The following GADL1 variants were observed in gnomAD, a reference collection of about 807,000 sequenced individuals.
GADL1 encodes acidic amino acid decarboxylase GADL1.
In GADL1, 71 loss-of-function variants were observed where a neutral mutation model predicts 69.5. That is an observed-to-expected ratio of 1.02 (90% confidence interval 0.84 to 1.25). GADL1 has a LOEUF of 1.25. Ranked by LOEUF, GADL1 falls within the 50% of genes most tolerant of loss-of-function variation. GADL1 has a pLI of 0.00. For synonymous variants in GADL1, 254 were observed against 214.4 expected, an observed-to-expected ratio of 1.18 and a Z score of -1.62; for missense variants, 737 against 631.8, an observed-to-expected ratio of 1.17 and a Z score of -1.79.
At chr3:30,767,289 A>C (rs1359339829) in intron 14 of GADL1, among the ~76,000 whole-genome samples, 2 of 152,096 alleles carry the variant, frequency 1.3e-5, no homozygotes, top group Non-Finnish European at 2.9e-5. Context: ...GAGTTCTAAA[A>C]CATATAAAAA....
At chr3:30,809,078 T>C (rs1260191019) in intron 11 of GADL1, among the ~76,000 whole-genome samples, 3 of 152,236 alleles carry the variant, frequency 2.0e-5, no homozygotes. Flanking sequence ...CAGCCAGGAC[T>C]CATTTCCTGA....
chr3:30,867,929 G>A (rs1698427887), intron 1 of GADL1, among the ~76,000 whole-genome samples: 1 of 152,026 alleles, frequency 6.6e-6, no homozygotes, highest in Non-Finnish European at 1.5e-5. Flanking sequence ...AGGAGAAGCT[G>A]AGGTGTCAGG....
chr3:30,877,929 T>A (rs1440281142), intron 1 of GADL1, among the ~76,000 whole-genome samples: 1 of 151,908 alleles, frequency 6.6e-6, no homozygotes, highest in Admixed American at 6.6e-5. Flanking sequence ...ATGAAGAAGG[T>A]CCTGAATGCT....
intron 14 of GADL1, among the ~76,000 whole-genome samples, chr3:30,735,291 C>T (rs1238189687): frequency 2.6e-5 from 4 of 152,158 alleles, no homozygotes; most frequent in African/African-American, 9.7e-5. Context: ...AAATCATTCA[C>T]TCTATTTTCT....
intron 11 of GADL1, among the ~76,000 whole-genome samples, chr3:30,806,307 A>T (rs1276805315): frequency 1.3e-5 from 2 of 152,198 alleles, no homozygotes; most frequent in African/African-American, 4.8e-5. Flanking sequence ...TTATATAACA[A>T]GCACTATCAT....
rs376871595 is a variant in GADL1, at chr3:30,728,353, C to A, written c.1455G>T (p.Pro485=). 1.9e-6 allele frequency: 3 copies of A among 1,613,628 alleles called. No individual in the cohort carries two copies. Among genetic ancestry groups the A allele is most frequent in the Non-Finnish European group, 1.7e-6 (2 of 1,179,730 alleles). Residue 485 remains proline (P), a synonymous_variant, in exon 15 of 15, where the codon CCG becomes CCT. Coordinates refer to ENST00000282538, the MANE Select transcript of GADL1 (RefSeq NM_207359.3). The part of the protein sequence containing the change: ...KKGSLMLGYQ[P]HRGKVNFFRQ... ...GGAAGAAGTTGACCTTTCCCCGGTG[C>A]GGCTGGTAGCCCAGCATCAAGCTTC...
intron 11 of GADL1, among the ~76,000 whole-genome samples, chr3:30,831,514 A>G (rs947746797): frequency 6.6e-6 from 1 of 151,942 alleles, no homozygotes; most frequent in South Asian, 2.1e-4. Context: ...TTGATATCGC[A>G]AAGTCTGAAA....
chr3:30,835,739 A>T (rs1027341937), intron 9 of GADL1, among the ~76,000 whole-genome samples: 1 of 152,006 alleles, frequency 6.6e-6, no homozygotes, highest in Non-Finnish European at 1.5e-5. Flanking sequence ...CATCAACTCC[A>T]TGGGGTCCCC....
intron 11 of GADL1, among the ~76,000 whole-genome samples, chr3:30,830,461 A>G (rs1431874289): frequency 6.6e-6 from 1 of 151,850 alleles, no homozygotes; most frequent in African/African-American, 2.4e-5. Flanking sequence ...AAAAGAGATG[A>G]CTTTTTCTTT....
chr3:30,892,563 T>C (rs1386456527), intron 1 of GADL1, among the ~76,000 whole-genome samples: 1 of 152,232 alleles, frequency 6.6e-6, no homozygotes, highest in Non-Finnish European at 1.5e-5. Context: ...TATATTCAGC[T>C]ACCAAAGCCA....
chr3:30,875,408 T>C (rs562626463), intron 1 of GADL1, among the ~76,000 whole-genome samples: 38 of 152,008 alleles, frequency 2.5e-4, no homozygotes, highest in African/African-American at 8.7e-4. Flanking sequence ...CAAAATCTTA[T>C]CTCATTATAG....
chr3:30,817,491 G>T (rs569950907), intron 11 of GADL1, among the ~76,000 whole-genome samples: 1 of 152,200 alleles, frequency 6.6e-6, no homozygotes, highest in South Asian at 2.1e-4. Context: ...TTAAGTGCAG[G>T]GGCCCTATAT....
chr3:30,761,790 C>A (rs1219301952), intron 14 of GADL1, among the ~76,000 whole-genome samples: 1 of 152,000 alleles, frequency 6.6e-6, no homozygotes, highest in Non-Finnish European at 1.5e-5. Flanking sequence ...CTAGAGCATC[C>A]CCTCCACCTA....
At chr3:30,827,238 G>A (rs931820919) in intron 11 of GADL1, among the ~76,000 whole-genome samples, 1 of 151,168 alleles carries the variant, frequency 6.6e-6, no homozygotes, top group Admixed American at 6.6e-5. Flanking sequence ...CGATAGTGGT[G>A]AGTGAGACCC....
intron 1 of GADL1, among the ~76,000 whole-genome samples, chr3:30,875,239 T>G (rs1275404006): frequency 6.6e-6 from 1 of 151,600 alleles, no homozygotes; most frequent in African/African-American, 2.4e-5. Flanking sequence ...GCTCACCTCT[T>G]GATGACAGAA....
At chr3:30,864,405 TAAA>T (rs1698366008) in intron 1 of GADL1, among the ~76,000 whole-genome samples, 1 of 151,410 alleles carries the variant, frequency 6.6e-6, no homozygotes, top group Non-Finnish European at 1.5e-5. Context: ...CACGATAAAA[TAAA>T]AAATGTCAAC....
At chr3:30,763,812 C>T (rs938996934) in intron 14 of GADL1, among the ~76,000 whole-genome samples, 1 of 152,058 alleles carries the variant, frequency 6.6e-6, no homozygotes, top group Non-Finnish European at 1.5e-5. Context: ...ATATAGATAA[C>T]ATAATCCTTA....
chr3:30,881,642 C>G (rs1017234769), intron 1 of GADL1, among the ~76,000 whole-genome samples: 1 of 151,872 alleles, frequency 6.6e-6, no homozygotes, highest in East Asian at 1.9e-4. Flanking sequence ...GGACACATCT[C>G]TACTCTTTAG....
intron 14 of GADL1, among the ~76,000 whole-genome samples, chr3:30,762,912 G>GA (rs2125486520): frequency 6.6e-6 from 1 of 152,182 alleles, no homozygotes; most frequent in East Asian, 1.9e-4. Flanking sequence ...CAAATGACTG[G>GA]ATCTCATTCT....
Sources: allele counts gnomAD v4.1 joint callset (sites outside exome capture counted in the v4.1 genomes callset), GRCh38; gene constraint gnomAD v4.1.1; transcripts MANE v1.5; gene names NCBI Gene and HGNC (gene_info 2026-07-23, HGNC 2026-07-21).